Variants in VAC14 observed in about 807,000 individuals in gnomAD.
VAC14 encodes the protein protein VAC14 homolog.
In VAC14, 47 loss-of-function variants were observed where a neutral mutation model predicts 85.3. The ratio of observed to expected loss-of-function variants is 0.55; its 90% CI spans 0.44 to 0.70. The LOEUF is 0.70. Among genes scored for constraint, VAC14 ranks in the 30% least tolerant of loss-of-function variants. The pLI is 0.00. For synonymous variants in VAC14, 447 were observed against 430.5 expected, an observed-to-expected ratio of 1.04 and a Z score of -0.47; for missense variants, 861 against 1,004.3, an observed-to-expected ratio of 0.86 and a Z score of 1.93.
rs567566570 is a variant in VAC14, at chr16:70,786,341, C to T, written c.129G>A (p.Gln43=). Residue 43 remains glutamine, a synonymous_variant, in exon 2 of 19, where the codon CAG becomes CAA. Coordinates refer to ENST00000261776, the MANE Select transcript of VAC14 (RefSeq NM_018052.5). ...IEKLVREFVA[Q]NNTVQIKHVI... ...CATGCTTGATTTGCACGGTATTGTTCTGGGCCACGAACTCCCGGACCAGCC... is the reference window on the plus strand; with the variant it reads ...CATGCTTGATTTGCACGGTATTGTTTTGGGCCACGAACTCCCGGACCAGCC... The T allele has an allele frequency of 6.2e-7, 1 of 1,614,146 alleles. No individual in the cohort carries two copies. The highest frequency in any genetic ancestry group is 8.5e-7 in the Non-Finnish European group (1 of 1,179,988).
At chr16:70,695,734 T>A (rs2053693879) in intron 16 of VAC14, 111 bp from the exon 17 acceptor site, 1 of 1,031,692 alleles carries the variant, frequency 9.7e-7, no homozygotes, top group Non-Finnish European at 1.5e-6. Flanking sequence ...AGCCTGGTTG[T>A]GGTGAAGCAG....
intron 12 of VAC14, chr16:70,744,934 G>C (rs1226146963): frequency 4.5e-6 from 1 of 221,790 alleles, no homozygotes; most frequent in Non-Finnish European, 8.9e-6. Flanking sequence ...TATCTGCACA[G>C]TGTGCACTTC....
intron 18 of VAC14, chr16:70,688,530 G>C (rs2053541694): frequency 3.0e-6 from 3 of 986,578 alleles, no homozygotes; most frequent in Admixed American, 6.1e-5. Flanking sequence ...GGGAAAATGG[G>C]AATTGCTGAA....
At chr16:70,744,622 G>A in intron 12 of VAC14, 43 bp from the exon 13 acceptor site, 1 of 1,546,606 alleles carries the variant, frequency 6.5e-7, no homozygotes, top group Non-Finnish European at 8.7e-7. Context: ...TCTCCGCTGA[G>A]AGCTGTGCTG....
intron 14 of VAC14, chr16:70,699,147 CAT>C (rs1432156453): frequency 3.1e-5 from 8 of 261,104 alleles, no homozygotes; most frequent in Non-Finnish European, 4.5e-5. Flanking sequence ...TGAACTCCCA[CAT>C]GTCTGAGCAA....
At chr16:70,752,386 G>A (rs1180834246) in intron 12 of VAC14, among the ~76,000 whole-genome samples, 5 of 152,214 alleles carry the variant, frequency 3.3e-5, no homozygotes, top group African/African-American at 9.6e-5. Flanking sequence ...CCTGACCTCC[G>A]TCTTCTCTCC....
intron 14 of VAC14, among the ~76,000 whole-genome samples, chr16:70,703,295 C>T (rs16970439): frequency 0.019 from 2,891 of 152,298 alleles, 94 homozygotes; most frequent in African/African-American, 0.066. Context: ...AGACAATGGC[C>T]TGGAATGTGC....
chr16:70,738,505 G>A lies in VAC14; in HGVS notation c.1528+5918C>T, dbSNP rs1012508099. ...AGAGGTCATATAGCAGTCTGCCACC[G>A]GGAAAGAGCTATTGCTGCAGGGTGA... On this transcript the variant is annotated intron_variant, in intron 13 of 18. Transcript: ENST00000261776. Among the ~76,000 whole-genome samples, 9 of 152,284 alleles carry A rather than the reference G, an allele frequency of 5.9e-5. No homozygotes were observed. In the East Asian group the frequency reaches 9.7e-4, roughly 16 times the overall value.
At chr16:70,691,929 C>A (rs1416188999) in intron 18 of VAC14, 1 of 985,236 alleles carries the variant, frequency 1.0e-6, no homozygotes, top group Non-Finnish European at 1.2e-6. Context: ...AGGCGCCAGG[C>A]CTGCTGAGTG....
chr16:70,792,818 G>A (rs2034396006), intron 1 of VAC14, among the ~76,000 whole-genome samples: 1 of 152,160 alleles, frequency 6.6e-6, no homozygotes, highest in African/African-American at 2.4e-5. Context: ...GGTCACATGA[G>A]GACTATTGAG....
chr16:70,767,961 T>C (rs1317854620), intron 10 of VAC14, among the ~76,000 whole-genome samples: 1 of 152,160 alleles, frequency 6.6e-6, no homozygotes, highest in Admixed American at 6.5e-5. Context: ...CATGACTCAC[T>C]GCACCCTCAA....
intron 9 of VAC14, among the ~76,000 whole-genome samples, chr16:70,779,842 CT>C (rs1000471677): frequency 1.7e-4 from 25 of 147,036 alleles, no homozygotes; most frequent in Admixed American, 1.4e-4. Flanking sequence ...TTTCTTTTTT[CT>C]TTTTTTTTTG....
intron 12 of VAC14, chr16:70,755,370 A>C: frequency 5.0e-6 from 1 of 200,944 alleles, no homozygotes; most frequent in Non-Finnish European, 1.1e-5. Flanking sequence ...CCAAGGACAA[A>C]ACCCTATGGG....
chr16:70,776,001 A>G (rs190806316), intron 9 of VAC14, among the ~76,000 whole-genome samples: 4 of 152,300 alleles, frequency 2.6e-5, no homozygotes, highest in Admixed American at 2.6e-4. Context: ...CACCTGTACA[A>G]TGGGGGTAAT....
Position 70,762,711 on chromosome 16 carries a change from C to T in VAC14, c.1306-106G>A. On this transcript the variant is annotated intron_variant, in intron 11 of 18. Coordinates refer to ENST00000261776, the MANE Select transcript of VAC14 (RefSeq NM_018052.5). The surrounding 1 kb of genome is among the most constrained non-coding windows in gnomAD (Gnocchi z 4.1). The stretch of plus-strand genomic sequence containing the variant: ...GCACGGACCCACTGGTCTGCACGGA[C>T]CACTTCCCTCCCCGACACAATGAGG... The T allele has an allele frequency of 6.7e-7, 1 of 1,487,464 alleles. No individual in the cohort carries two copies. The highest frequency in any genetic ancestry group is 9.2e-7 in the Non-Finnish European group (1 of 1,082,344). The allele number at this position is 1,487,464 out of a possible 1,614,324, so 92.1% of individuals were successfully genotyped here. A position where few individuals can be genotyped will look rare whatever the true frequency, so the allele number is the denominator to read the frequency against.
chr16:70,778,259 T>G (rs2033624180), intron 9 of VAC14, among the ~76,000 whole-genome samples: 1 of 152,118 alleles, frequency 6.6e-6, no homozygotes, highest in Non-Finnish European at 1.5e-5. Context: ...CAGGCGAGAA[T>G]TCTACCACTG....
At chr16:70,691,173 T>G in intron 18 of VAC14, 1 of 985,498 alleles carries the variant, frequency 1.0e-6, no homozygotes, top group Non-Finnish European at 1.2e-6. Context: ...TCTACCCTGG[T>G]TTGAGGAGTC....
chr16:70,741,687 G>A (rs2030326899), intron 13 of VAC14, among the ~76,000 whole-genome samples: 1 of 152,218 alleles, frequency 6.6e-6, no homozygotes, highest in East Asian at 1.9e-4. Context: ...GTTCTTTCCA[G>A]GATGGAGTTT....
intron 1 of VAC14, among the ~76,000 whole-genome samples, chr16:70,797,319 A>G (rs901970280): frequency 6.6e-6 from 1 of 152,144 alleles, no homozygotes; most frequent in East Asian, 1.9e-4. Context: ...GGTTAGGGTT[A>G]CATTGGGCCC....
Sources: gnomAD v4.1 joint callset for allele counts (sites outside exome capture counted in the v4.1 genomes callset) on GRCh38, gnomAD v4.1.1 for gene constraint, Gnocchi (gnomAD v3.1) non-coding constraint, MANE v1.5 for transcripts, NCBI Gene and HGNC (gene_info 2026-07-23, HGNC 2026-07-21) for gene names.